SMAD3: variants seen among roughly 807,000 people sequenced by gnomAD.
SMAD3 encodes SMAD family member 3.
In SMAD3, 12 loss-of-function variants were observed where a neutral mutation model predicts 51.8. The ratio of observed to expected loss-of-function variants is 0.23; its 90% CI spans 0.15 to 0.38. The LOEUF (loss-of-function observed/expected upper bound fraction) is 0.38, where lower values mean the gene tolerates loss of function less well. Among genes scored for constraint, SMAD3 ranks in the 10% least tolerant of loss-of-function variants. The pLI, the probability that SMAD3 is intolerant of heterozygous loss-of-function variation, is 1.00. For synonymous variants in SMAD3, 238 were observed against 227.7 expected (o/e 1.05, Z -0.41); for missense variants, 294 against 565.6 (o/e 0.52, Z 4.87).
chr15:67,157,730 A>C (rs1286901575), intron 1 of SMAD3, among the ~76,000 whole-genome samples: 1 of 151,726 alleles, frequency 6.6e-6, no homozygotes, highest in East Asian at 1.9e-4. Context: ...CTTGGGGTAC[A>C]CTCTGGCAGG....
chr15:67,114,676 A>G (rs181598834), intron 1 of SMAD3, among the ~76,000 whole-genome samples: 2 of 152,226 alleles, frequency 1.3e-5, no homozygotes, highest in African/African-American at 4.8e-5. Flanking sequence ...CAACCCAGAG[A>G]ATCTTGACTT....
intron 1 of SMAD3, among the ~76,000 whole-genome samples, chr15:67,160,768 C>A (rs1595938190): frequency 1.5e-5 from 1 of 67,736 alleles, no homozygotes; most frequent in Non-Finnish European, 2.4e-5. Context: ...GAGACTCCAT[C>A]TCAAAAAAAA....
At chr15:67,090,391 T>A (rs1275904005) in intron 1 of SMAD3, among the ~76,000 whole-genome samples, 2 of 152,122 alleles carry the variant, frequency 1.3e-5, no homozygotes, top group Non-Finnish European at 2.9e-5. Flanking sequence ...AAGAGTCCCC[T>A]GCCACAAGTT....
chr15:67,177,775 A>AC (rs1176937183), intron 5 of SMAD3, among the ~76,000 whole-genome samples: 3 of 151,962 alleles, frequency 2.0e-5, no homozygotes, highest in Admixed American at 6.6e-5. Context: ...TGAAGGCAGA[A>AC]CCCACAGGTG....
chr15:67,167,299 G>C (rs371455876), intron 4 of SMAD3, among the ~76,000 whole-genome samples: 86 of 152,312 alleles, frequency 5.6e-4, no homozygotes, highest in African/African-American at 2.0e-3. Flanking sequence ...GACAGTAAGA[G>C]CTCAGTGTGT....
chr15:67,160,751 A>G (rs1233421507), intron 1 of SMAD3, among the ~76,000 whole-genome samples: 3 of 124,312 alleles, frequency 2.4e-5, no homozygotes, highest in East Asian at 5.3e-4. Context: ...AGCCTGGGCG[A>G]CAGAGCGAGA....
chr15:67,130,342 C>A (rs1309711535), intron 1 of SMAD3, among the ~76,000 whole-genome samples: 1 of 152,172 alleles, frequency 6.6e-6, no homozygotes, highest in Admixed American at 6.5e-5. Context: ...GGTCCCCAAC[C>A]CCGGGGCCGT....
chr15:67,113,805 C>A (rs1472991218), intron 1 of SMAD3, among the ~76,000 whole-genome samples: 2 of 152,214 alleles, frequency 1.3e-5, no homozygotes, highest in African/African-American at 4.8e-5. Context: ...TGTGTTAGTT[C>A]TTTCCCTTTA....
At chr15:67,113,222 G>T (rs1460600550) in intron 1 of SMAD3, among the ~76,000 whole-genome samples, 1 of 125,716 alleles carries the variant, frequency 8.0e-6, no homozygotes, top group African/African-American at 3.2e-5. Flanking sequence ...GAGTAGCTGG[G>T]ACTACAGGCG....
At chr15:67,072,558 T>G (rs931318270) in intron 1 of SMAD3, among the ~76,000 whole-genome samples, 1 of 152,152 alleles carries the variant, frequency 6.6e-6, no homozygotes, top group Non-Finnish European at 1.5e-5. Context: ...AAGACTCCAT[T>G]CCCTCCCCCA....
intron 1 of SMAD3, among the ~76,000 whole-genome samples, chr15:67,139,910 G>C (rs1961772589): frequency 1.3e-5 from 2 of 151,820 alleles, no homozygotes; most frequent in South Asian, 4.2e-4. Flanking sequence ...CTTGAGGTCA[G>C]GAGTTCAAGA....
chr15:67,106,738 C>T (rs1481267341), intron 1 of SMAD3, among the ~76,000 whole-genome samples: 14 of 152,152 alleles, frequency 9.2e-5, no homozygotes, highest in Admixed American at 5.9e-4. Flanking sequence ...CCCTGCTCTC[C>T]GTTACCCGCG....
In SMAD3 at chr15:67,115,659, A is replaced by C. The variant is rs28605322; in HGVS notation, c.207-49236A>C. Among the ~76,000 whole-genome samples the C allele has an allele frequency of 6.7e-3, 1,008 of 151,276 alleles. 9 individuals carry two copies. Among genetic ancestry groups the C allele is most frequent in the African/African-American group, 0.024 (959 of 40,602 alleles). On this transcript the variant is annotated intron_variant, in intron 1 of 8. Transcript: ENST00000327367. ...AAGCAAGGAAGATAATGTCTGGTTA[A>C]CCACCCTCCTGGAGTCATGGCAAGG...
At chr15:67,123,026 A>G (rs921786760) in intron 1 of SMAD3, among the ~76,000 whole-genome samples, 1 of 151,588 alleles carries the variant, frequency 6.6e-6, no homozygotes, top group East Asian at 1.9e-4. Context: ...ACAAGATCTC[A>G]TCTCTACAAA....
At chr15:67,082,343 G>C (rs575826072) in intron 1 of SMAD3, among the ~76,000 whole-genome samples, 8 of 152,100 alleles carry the variant, frequency 5.3e-5, no homozygotes, top group Admixed American at 5.2e-4. Context: ...AAGCAGTTGC[G>C]ATTTCTGTCT....
intron 1 of SMAD3, among the ~76,000 whole-genome samples, chr15:67,161,897 C>A (rs35738694): frequency 6.6e-6 from 1 of 152,018 alleles, no homozygotes; most frequent in Non-Finnish European, 1.5e-5. Flanking sequence ...CTCCTTTACC[C>A]CAGGTCTTAT....
chr15:67,139,035 T>G (rs967046218), intron 1 of SMAD3, among the ~76,000 whole-genome samples: 1 of 152,196 alleles, frequency 6.6e-6, no homozygotes, highest in Non-Finnish European at 1.5e-5. Flanking sequence ...GAAATGCATT[T>G]AGACACAGAT....
intron 1 of SMAD3, among the ~76,000 whole-genome samples, chr15:67,068,664 A>G (rs1029436162): frequency 6.6e-6 from 1 of 151,860 alleles, no homozygotes; most frequent in African/African-American, 2.4e-5. Flanking sequence ...TTTTTCAGTT[A>G]GGGAAACCCA....
intron 1 of SMAD3, among the ~76,000 whole-genome samples, chr15:67,130,122 A>G (rs1008373623): frequency 6.6e-6 from 1 of 152,168 alleles, no homozygotes; most frequent in Non-Finnish European, 1.5e-5. Context: ...TAGATACTCT[A>G]CCTTTGTCAT....
Sources: allele counts gnomAD v4.1 joint callset (sites outside exome capture counted in the v4.1 genomes callset), GRCh38; gene constraint gnomAD v4.1.1; transcripts MANE v1.5; gene names NCBI Gene and HGNC (gene_info 2026-07-23, HGNC 2026-07-21).